The following ADAM23 variants were observed in gnomAD, a reference collection of about 807,000 sequenced individuals.
ADAM23 encodes disintegrin and metalloproteinase domain-containing protein 23.
In ADAM23, 33 loss-of-function variants were observed where a neutral mutation model predicts 120.1. That is an observed-to-expected ratio of 0.27 (90% CI 0.21 to 0.37). The LOEUF (loss-of-function observed/expected upper bound fraction) is 0.37, where lower values mean the gene tolerates loss of function less well. ADAM23 is among the 10% of genes least tolerant of loss of function. The pLI is 1.00. For synonymous variants in ADAM23, 367 were observed against 375.2 expected, an observed-to-expected ratio of 0.98 and a Z score of 0.25; for missense variants, 862 against 1,058.2, an observed-to-expected ratio of 0.81 and a Z score of 2.57.
chr2:206,519,449 A>G (rs761110467), intron 3 of ADAM23, among the ~76,000 whole-genome samples: 25 of 152,326 alleles, frequency 1.6e-4, no homozygotes, highest in Admixed American at 1.6e-3. Flanking sequence ...AAACAATCGA[A>G]GTCCCAGTGA....
chr2:206,460,807 A>G (rs1393442984), intron 2 of ADAM23, among the ~76,000 whole-genome samples: 3 of 152,196 alleles, frequency 2.0e-5, no homozygotes, highest in African/African-American at 7.2e-5. Context: ...TCAAGAAATC[A>G]TTGCCAAATC....
At position 206,578,158 on chromosome 2, in the gene ADAM23, C is replaced by G. The variant is rs532458888; in HGVS notation, c.1737+4963C>G. Among the ~76,000 whole-genome samples, 5 of 128,938 alleles carry G rather than the reference C, an allele frequency of 3.9e-5. No homozygotes were observed. The South Asian group carries it at 1.3e-3, about 34-fold the overall frequency. 84.6% of individuals were successfully genotyped at this position (128,938 alleles called of 152,430 possible). On this transcript the variant is annotated intron_variant, in intron 18 of 25. Coordinates refer to ENST00000264377, the MANE Select transcript of ADAM23 (RefSeq NM_003812.4). ...AATATTGCTTTTGCATTACTGTTGACTGTGGTTGTGTTAGTTTTATTTATT... is the reference window on the plus strand; with the variant it reads ...AATATTGCTTTTGCATTACTGTTGAGTGTGGTTGTGTTAGTTTTATTTATT...
chr2:206,502,154 A>G (rs1559236945), intron 3 of ADAM23, among the ~76,000 whole-genome samples: 1 of 152,076 alleles, frequency 6.6e-6, no homozygotes, highest in East Asian at 1.9e-4. Flanking sequence ...TTTTGTGATT[A>G]TTGTTATCTT....
chr2:206,457,650 T>C (rs919705107), intron 2 of ADAM23, among the ~76,000 whole-genome samples: 2 of 152,218 alleles, frequency 1.3e-5, no homozygotes, highest in African/African-American at 2.4e-5. Flanking sequence ...AATATTTTGC[T>C]TATCTGCTTA....
chr2:206,553,132 C>T (rs1463161201), intron 9 of ADAM23, among the ~76,000 whole-genome samples: 2 of 152,274 alleles, frequency 1.3e-5, no homozygotes, highest in African/African-American at 4.8e-5. Context: ...AATCGCAGCA[C>T]TTTGGGAGTC....
chr2:206,589,009 G>C (rs1459369391), intron 20 of ADAM23, among the ~76,000 whole-genome samples: 2 of 152,130 alleles, frequency 1.3e-5, no homozygotes, highest in Non-Finnish European at 2.9e-5. Flanking sequence ...TCCTAATATT[G>C]ATATAAAACA....
chr2:206,477,893 A>AT (rs1199167461), intron 2 of ADAM23, among the ~76,000 whole-genome samples: 216 of 101,354 alleles, frequency 2.1e-3, no homozygotes, highest in Middle Eastern at 4.9e-3. Flanking sequence ...AAAAAAAAAA[A>AT]AAAAATATAT....
At chr2:206,597,347 T>A (rs1405984417) in intron 24 of ADAM23, among the ~76,000 whole-genome samples, 2 of 151,268 alleles carry the variant, frequency 1.3e-5, no homozygotes, top group African/African-American at 4.9e-5. Context: ...GCCTGGCTAA[T>A]TTTTGTATTT....
intron 2 of ADAM23, among the ~76,000 whole-genome samples, chr2:206,474,399 C>T (rs964398961): frequency 2.8e-4 from 42 of 152,046 alleles, no homozygotes; most frequent in African/African-American, 9.9e-4. Context: ...AGTGTAAATG[C>T]ACATTGGAAT....
chr2:206,537,626 A>T (rs914053022), intron 4 of ADAM23, among the ~76,000 whole-genome samples: 1 of 152,018 alleles, frequency 6.6e-6, no homozygotes, highest in Non-Finnish European at 1.5e-5. Context: ...TATTTTTTAA[A>T]TCTATTTTCC....
At chr2:206,571,860 A>T (rs781657894) in intron 17 of ADAM23, 44 bp downstream of exon 17, 10 of 1,541,064 alleles carry the variant, frequency 6.5e-6, no homozygotes, top group Admixed American at 5.0e-5. Flanking sequence ...TTGACAGATT[A>T]GCCAGATATC....
intron 25 of ADAM23, among the ~76,000 whole-genome samples, chr2:206,614,293 G>C (rs922109239): frequency 6.6e-6 from 1 of 152,116 alleles, no homozygotes; most frequent in African/African-American, 2.4e-5. Context: ...CATTTTATTG[G>C]ACATGTTAAA....
At chr2:206,597,595 A>G (rs149524553) in intron 24 of ADAM23, among the ~76,000 whole-genome samples, 162 of 152,334 alleles carry the variant, frequency 1.1e-3, no homozygotes, top group Middle Eastern at 3.4e-3. Context: ...AAACAGGCCT[A>G]CTACAGCATC....
chr2:206,488,950 G>C (rs951855653), intron 3 of ADAM23, among the ~76,000 whole-genome samples: 1 of 150,742 alleles, frequency 6.6e-6, no homozygotes, highest in Non-Finnish European at 1.5e-5. Flanking sequence ...GCTGCAAACA[G>C]AAGGCAAACT....
chr2:206,542,012 A>G (rs764101026), intron 4 of ADAM23, 40 bp from the exon 5 acceptor site: 2 of 1,595,580 alleles, frequency 1.3e-6, no homozygotes, highest in South Asian at 2.2e-5. Context: ...ATTAATCATA[A>G]TGCATAAAAT....
chr2:206,458,480 G>C (rs996605662), intron 2 of ADAM23, among the ~76,000 whole-genome samples: 1 of 152,234 alleles, frequency 6.6e-6, no homozygotes, highest in Non-Finnish European at 1.5e-5. Context: ...AAGAAGGAGA[G>C]ACTACATTGG....
chr2:206,537,418 G>GT (rs1318177149), intron 4 of ADAM23, among the ~76,000 whole-genome samples: 3 of 152,094 alleles, frequency 2.0e-5, no homozygotes, highest in African/African-American at 7.2e-5. Flanking sequence ...CCTGTCCAGT[G>GT]TATGAGTAAG....
In ADAM23 at chr2:206,564,034, ATTCT is replaced by A. The variant is rs943407870; in HGVS notation, c.1346-983_1346-980del. Among the ~76,000 whole-genome samples the A allele has an allele frequency of 2.0e-5, 3 of 152,100 alleles. No individual in the cohort carries two copies. The East Asian group carries it at 5.8e-4, about 29-fold the overall frequency. On this transcript the variant is annotated intron_variant, in intron 13 of 25. Coordinates refer to ENST00000264377, the MANE Select transcript of ADAM23 (RefSeq NM_003812.4). ...TGTGAGCCACTGCGCCCGGCCTAAA[ATTCT>A]TTATTTCTTTGTGACTTGTTTGTTT...
In ADAM23 at chr2:206,491,353, A is replaced by G. The variant is rs573104841; in HGVS notation, c.509+10045A>G. On this transcript the variant is annotated intron_variant, in intron 3 of 25. Transcript: ENST00000264377. ...AGTCTTTAGCAGGAGAATAAAAAGT[A>G]TGGCAACTAAGAATTTGTAGCAAAA... Among the ~76,000 whole-genome samples, 3 of 152,320 alleles carry G rather than the reference A, an allele frequency of 2.0e-5. No homozygotes were observed. The East Asian group carries it at 5.8e-4, about 29-fold the overall frequency.
Sources: allele counts gnomAD v4.1 joint callset (sites outside exome capture counted in the v4.1 genomes callset), GRCh38; gene constraint gnomAD v4.1.1; transcripts MANE v1.5; gene names NCBI Gene and HGNC (gene_info 2026-07-23, HGNC 2026-07-21).